Variants in HEXIM2 observed in about 807,000 individuals in gnomAD.
HEXIM2 encodes the protein HEXIM P-TEFb complex subunit 2.
For missense variants in HEXIM2, 413 were observed against 390.8 expected, an observed-to-expected ratio of 1.06 and a Z score of -0.48; for synonymous variants, 159 against 162.7, an observed-to-expected ratio of 0.98 and a Z score of 0.17.
At chr17:45,166,884 G>T (rs778456071) in intron 3 of HEXIM2, among the ~76,000 whole-genome samples, 2 of 149,990 alleles carry the variant, frequency 1.3e-5, no homozygotes, top group Non-Finnish European at 3.0e-5. Flanking sequence ...AATTAGCTGG[G>T]CATGGTAGTG....
rs985023437 is a variant in HEXIM2, at chr17:45,169,730, C to A, written c.782C>A (p.Thr261Asn). The change falls in exon 4 of 4, where the codon ACC becomes AAC. Residue 261 changes from threonine (T) to asparagine (N), a missense_variant. Transcript: ENST00000589230. Reference sequence around the variant, plus strand: ...GCTGCCGAGGTCCAGAGGCTCCGGACCGAAAACCAGCGGCTTCGTCAGGAG... The same window carrying A: ...GCTGCCGAGGTCCAGAGGCTCCGGAACGAAAACCAGCGGCTTCGTCAGGAG... ...ELAAEVQRLR[T>N]ENQRLRQENQ... is the part of the protein sequence containing the mutation. 7 of 1,499,232 alleles carry A rather than the reference C, an allele frequency of 4.7e-6. No individual in the cohort carries two copies. The Middle Eastern group carries it at 5.2e-4, about 112-fold the overall frequency. The allele number at this position is 1,499,232 out of a possible 1,614,324, so 92.9% of individuals were successfully genotyped here. A position where few individuals can be genotyped will look rare whatever the true frequency, so the allele number is the denominator to read the frequency against.
At position 45,169,218 on chromosome 17, in the gene HEXIM2, A is replaced by T. The variant is rs1183789073; in HGVS notation, c.270A>T (p.Lys90Asn). ...CGGAGGCTGTGCTGGCCCGGAAGAA[A>T]CACCGTCGGCGGCCATCGAAGCGCA... Reference protein sequence around the residue: ...CSAEAVLARKKHRRRPSKRKR... With the variant: ...CSAEAVLARKNHRRRPSKRKR... Residue 90 changes from lysine to asparagine, a missense_variant, in exon 4 of 4, where the codon AAA becomes AAT. Lys to Asn is a moderately conservative substitution (Grantham distance 94). Coordinates refer to ENST00000589230, the MANE Select transcript of HEXIM2 (RefSeq NM_001303441.2). The T allele has an allele frequency of 6.2e-7, 1 of 1,613,546 alleles. No homozygotes were observed. Among genetic ancestry groups the T allele is most frequent in the South Asian group, 1.1e-5 (1 of 91,074 alleles).
intron 3 of HEXIM2, among the ~76,000 whole-genome samples, chr17:45,168,057 T>C (rs1295375488): frequency 6.6e-6 from 1 of 150,750 alleles, no homozygotes; most frequent in African/African-American, 2.4e-5. Flanking sequence ...CTTATTTTTG[T>C]ATTTTTCGTA....
Position 45,169,704 on chromosome 17 carries a change from G to C in HEXIM2, c.756G>C (p.Leu252=). 1 of 1,529,374 alleles carries C rather than the reference G, an allele frequency of 6.5e-7. No homozygotes were observed. The highest frequency in any genetic ancestry group is 8.8e-7 in the Non-Finnish European group (1 of 1,135,634). 94.7% of individuals were successfully genotyped at this position (1,529,374 alleles called of 1,614,324 possible). Residue 252 remains leucine (L), a synonymous_variant, in exon 4 of 4, where the codon CTG becomes CTC. Coordinates refer to ENST00000589230, the MANE Select transcript of HEXIM2 (RefSeq NM_001303441.2). ...AGTCCTGCCGCCAGGTGGAGGAGCT[G>C]GCTGCCGAGGTCCAGAGGCTCCGGA... The part of the protein sequence containing the change: ...GQQSCRQVEE[L]AAEVQRLRTE...
In HEXIM2 at chr17:45,161,940, G is replaced by A. The variant is rs1567925081; in HGVS notation, c.-284G>A. ...AGAGCTGCTGCAACTGCAGCAAGAG[G>A]TAGGGCTCAGGCGTTGGGAATTGCA... On this transcript the variant is annotated 5_prime_UTR_variant, in exon 1 of 4. Coordinates refer to ENST00000589230, the MANE Select transcript of HEXIM2 (RefSeq NM_001303441.2). The A allele has an allele frequency of 3.0e-6, 3 of 985,614 alleles. No individual in the cohort carries two copies. Among genetic ancestry groups the A allele is most frequent in the Non-Finnish European group, 3.6e-6 (3 of 830,068 alleles). 61.1% of individuals were successfully genotyped at this position (985,614 alleles called of 1,614,324 possible).
upstream of HEXIM2, chr17:45,161,862 G>A: frequency 1.0e-6 from 1 of 985,776 alleles, no homozygotes; most frequent in Non-Finnish European, 1.2e-6. Context: ...AGCAGGCACC[G>A]CGCGTCCAGG....
rs561995031 is a variant in HEXIM2, at chr17:45,166,991, C to T, written c.67-2024C>T. Among the ~76,000 whole-genome samples, 29 of 136,382 alleles carry T rather than the reference C, an allele frequency of 2.1e-4. No homozygotes were observed. In the South Asian group the frequency reaches 6.3e-3, roughly 30 times the overall value. The allele number at this position is 136,382 out of a possible 152,430, so 89.5% of individuals were successfully genotyped here. A position where few individuals can be genotyped will look rare whatever the true frequency, so the allele number is the denominator to read the frequency against. On this transcript the variant is annotated intron_variant, in intron 3 of 3. Coordinates refer to ENST00000589230, the MANE Select transcript of HEXIM2 (RefSeq NM_001303441.2). ...AGTGAGCTGAGGTCGGGCCACTGCA[C>T]TCCAGCCTGGGTGACAGAGCAAGAC...
intron 3 of HEXIM2, among the ~76,000 whole-genome samples, chr17:45,163,765 C>G (rs1355117957): frequency 6.6e-6 from 1 of 152,130 alleles, no homozygotes; most frequent in South Asian, 2.1e-4. Flanking sequence ...ACCAGAATCA[C>G]TTGAACCCAG....
intron 3 of HEXIM2, among the ~76,000 whole-genome samples, chr17:45,164,071 C>T (rs558582289): frequency 2.2e-4 from 33 of 152,172 alleles, no homozygotes; most frequent in Admixed American, 7.9e-4. Context: ...AGGAGAATCA[C>T]TTGAACCCAT....
chr17:45,169,971 ATAGTTGGC>A lies in HEXIM2; in HGVS notation c.*164_*171del. The A allele has an allele frequency of 3.7e-6, 2 of 535,396 alleles. No individual in the cohort carries two copies. The highest frequency in any genetic ancestry group is 8.0e-5 in the South Asian group (2 of 25,058). 33.2% of individuals were successfully genotyped at this position (535,396 alleles called of 1,614,324 possible). On this transcript the variant is annotated 3_prime_UTR_variant, in exon 4 of 4. Coordinates refer to ENST00000589230, the MANE Select transcript of HEXIM2 (RefSeq NM_001303441.2). ...TTCAGACTCCCACCTCACCGTTTCCATAGTTGGCTCTTTTGTGTCATCTTACCCTTTAC... is the reference window on the plus strand; with the variant it reads ...TTCAGACTCCCACCTCACCGTTTCCATCTTTTGTGTCATCTTACCCTTTAC...
rs1408080390 is a variant in HEXIM2 at position 45,169,794 on chromosome 17, G to A, written c.846G>A (p.Glu282=). ...ACCGAGAGGGCTGCCGCTGTGATGA[G>A]GAGCCGGGTACCTAGGGGTGCCTCC... is the stretch of plus-strand genomic sequence containing the variant. ...MWNREGCRCD[E]EPGT Residue 282 remains glutamate (E), a synonymous_variant, in exon 4 of 4, where the codon GAG becomes GAA. Transcript: ENST00000589230. The A allele has an allele frequency of 4.9e-6, 7 of 1,443,088 alleles. No individual in the cohort carries two copies. The highest frequency in any genetic ancestry group is 4.5e-6 in the Non-Finnish European group (5 of 1,099,902). The allele number at this position is 1,443,088 out of a possible 1,614,324, so 89.4% of individuals were successfully genotyped here.
chr17:45,164,495 G>A (rs570777765), intron 3 of HEXIM2, among the ~76,000 whole-genome samples: 35 of 152,038 alleles, frequency 2.3e-4, no homozygotes, highest in South Asian at 1.5e-3. Context: ...AAATTAGCCC[G>A]GCGTGGTGGT....
At chr17:45,168,494 G>GTT (rs555871110) in intron 3 of HEXIM2, among the ~76,000 whole-genome samples, 5 of 142,544 alleles carry the variant, frequency 3.5e-5, no homozygotes, top group African/African-American at 5.1e-5. Flanking sequence ...ATAAAATAAG[G>GTT]TTTTTTTTTT....
chr17:45,169,479 C>T lies in HEXIM2; in HGVS notation c.531C>T (p.Asp177=), dbSNP rs1359818653. ...CCAGTGGGGAGAGTGAGGCCGGGGA[C>T]AGTGATGGGCGGGGCCGAGCGCACG... The part of the protein sequence containing the change: ...PGSSGESEAG[D]SDGRGRAHGE... Residue 177 remains aspartate (D), a synonymous_variant, in exon 4 of 4, where the codon GAC becomes GAT. Transcript: ENST00000589230. The T allele has an allele frequency of 1.6e-5, 26 of 1,613,362 alleles. No individual in the cohort carries two copies. Among genetic ancestry groups the T allele is most frequent in the Non-Finnish European group, 2.1e-5 (25 of 1,179,882 alleles).
At chr17:45,164,666 G>A (rs1182382976) in intron 3 of HEXIM2, among the ~76,000 whole-genome samples, 1 of 152,082 alleles carries the variant, frequency 6.6e-6, no homozygotes, top group Non-Finnish European at 1.5e-5. Flanking sequence ...TGGAGGTGGG[G>A]GTAGGATATA....
intron 3 of HEXIM2, among the ~76,000 whole-genome samples, chr17:45,163,942 G>A (rs2042770993): frequency 1.4e-5 from 2 of 144,092 alleles, no homozygotes; most frequent in African/African-American, 5.2e-5. Context: ...ATCACCTGAG[G>A]TCAAGAGTTC....
At chr17:45,161,816 TG>T, upstream of HEXIM2, 2 of 985,334 alleles carry the variant, frequency 2.0e-6, no homozygotes, top group Non-Finnish European at 2.4e-6. Context: ...TACAGGCCCT[TG>T]GATCGCTTTT....
At chr17:45,167,198 C>T (rs1175786603) in intron 3 of HEXIM2, among the ~76,000 whole-genome samples, 10 of 151,402 alleles carry the variant, frequency 6.6e-5, no homozygotes, top group East Asian at 3.9e-4. Context: ...TGGTGGTACA[C>T]GCCTGTAGTC....
Position 45,169,045 on chromosome 17 carries a change from C to A in HEXIM2, c.97C>A (p.Pro33Thr). ...TSGAPGSPQT[P>T]PERHDSGGSL... ...TGGTGCCCCGGGGAGCCCCCAAACA[C>A]CCCCTGAGCGTCATGACTCTGGTGG... The change falls in exon 4 of 4, where the codon CCC (proline) becomes ACC (threonine). Residue 33 changes from proline to threonine, a missense_variant. Physicochemically the swap from Pro to Thr is conservative, Grantham distance 38. Transcript: ENST00000589230. The A allele has an allele frequency of 6.2e-7, 1 of 1,613,368 alleles. No homozygotes were observed. The highest frequency in any genetic ancestry group is 1.3e-5 in the African/African-American group (1 of 75,036).
Sources: allele counts gnomAD v4.1 joint callset (sites outside exome capture counted in the v4.1 genomes callset), GRCh38; gene constraint gnomAD v4.1.1; transcripts MANE v1.5; gene names NCBI Gene and HGNC (gene_info 2026-07-23, HGNC 2026-07-21).